The following TEX14 variants were observed in gnomAD, a reference collection of about 807,000 sequenced individuals.
TEX14 encodes inactive serine/threonine-protein kinase TEX14.
Under a neutral mutation model 178.6 loss-of-function variants are expected in TEX14, and 168 were observed. The observed-to-expected ratio is 0.94, with a 90% CI of 0.83 to 1.07. The LOEUF (loss-of-function observed/expected upper bound fraction) is 1.07, where lower values mean the gene tolerates loss of function less well. Ranked by LOEUF, TEX14 falls within the 50% of genes least tolerant of loss-of-function variation. The pLI, the probability that TEX14 is intolerant of heterozygous loss-of-function variation, is 0.00. For missense variants in TEX14, 1,730 were observed against 1,753.6 expected (o/e 0.99, Z 0.24); for synonymous variants, 626 against 634.1 (o/e 0.99, Z 0.19).
intron 1 of TEX14, among the ~76,000 whole-genome samples, chr17:58,664,658 C>T (rs1423507256): frequency 6.6e-6 from 1 of 152,066 alleles, no homozygotes; most frequent in Non-Finnish European, 1.5e-5. Flanking sequence ...GGCCACATTA[C>T]GATTTTGAAG....
chr17:58,667,301 G>A (rs2143435081), intron 1 of TEX14, among the ~76,000 whole-genome samples: 1 of 152,300 alleles, frequency 6.6e-6, no homozygotes. Context: ...GACTTTCGAT[G>A]AGCTTATGGC....
chr17:58,613,807 C>T (rs1439225141), intron 8 of TEX14, among the ~76,000 whole-genome samples: 1 of 152,066 alleles, frequency 6.6e-6, no homozygotes, highest in Non-Finnish European at 1.5e-5. Flanking sequence ...GCTGGGATTA[C>T]GGATGCCCAC....
intron 21 of TEX14, among the ~76,000 whole-genome samples, chr17:58,574,736 C>T (rs1049295988): frequency 4.1e-5 from 6 of 146,966 alleles, no homozygotes; most frequent in African/African-American, 1.0e-4. Flanking sequence ...CTACTAGCTG[C>T]GAGTTCTCTG....
chr17:58,603,622 A>C (rs1301058615), intron 11 of TEX14, among the ~76,000 whole-genome samples: 4 of 148,268 alleles, frequency 2.7e-5, no homozygotes. Flanking sequence ...TAGGAGGCTG[A>C]GGTGGGCGGA....
At chr17:58,603,219 T>C (rs1221883899) in intron 11 of TEX14, among the ~76,000 whole-genome samples, 1 of 151,272 alleles carries the variant, frequency 6.6e-6, no homozygotes, top group Non-Finnish European at 1.5e-5. Context: ...ATTCATCTCA[T>C]GTATATTGTC....
chr17:58,580,405 G>A (rs1269703513), intron 19 of TEX14, among the ~76,000 whole-genome samples: 1 of 152,092 alleles, frequency 6.6e-6, no homozygotes, highest in Non-Finnish European at 1.5e-5. Context: ...TCTGTCCCCC[G>A]GGTTCAAGCA....
chr17:58,657,395 C>CTCT (rs1225123678), intron 1 of TEX14, among the ~76,000 whole-genome samples: 1 of 151,664 alleles, frequency 6.6e-6, no homozygotes, highest in East Asian at 1.9e-4. Context: ...CAGAGGGAAC[C>CTCT]TCTTGTCTGT....
chr17:58,685,146 A>C (rs2047569559), intron 1 of TEX14, among the ~76,000 whole-genome samples: 1 of 152,260 alleles, frequency 6.6e-6, no homozygotes, highest in Admixed American at 6.5e-5. Flanking sequence ...AAAATTGAAT[A>C]CATTAGATTT....
intron 23 of TEX14, among the ~76,000 whole-genome samples, chr17:58,572,362 G>A (rs2044553665): frequency 6.6e-6 from 1 of 152,164 alleles, no homozygotes; most frequent in Non-Finnish European, 1.5e-5. Context: ...CGGGTACGGT[G>A]GCTCACGCCT....
Position 58,599,187 on chromosome 17 carries a change from A to G in TEX14, c.2158T>C (p.Ser720Pro), listed in dbSNP as rs1454701067. The part of the protein sequence containing the change: ...REAKSNLNNM[S>P]TTEEYLISKC... ...CTGATGAGATACTCCTCAGTCGTGG[A>G]CATGTTGTTCAAATTGCTCTTGGCT... is the stretch of plus-strand genomic sequence containing the variant. The change falls in exon 14 of 32, where the codon TCC (serine) becomes CCC (proline). Residue 720 changes from serine (S) to proline (P), a missense_variant. By Grantham distance (74) the Ser-to-Pro change is moderately conservative (BLOSUM62 -1). Coordinates refer to ENST00000349033, the MANE Select transcript of TEX14 (RefSeq NM_031272.5). 6.2e-7 allele frequency: 1 copy of G among 1,614,134 alleles called. No individual in the cohort carries two copies. The highest frequency in any genetic ancestry group is 1.7e-5 in the Admixed American group (1 of 60,004).
chr17:58,630,630 T>C, intron 2 of TEX14, 76 bp from the exon 3 acceptor site: 2 of 953,440 alleles, frequency 2.1e-6, no homozygotes, highest in Non-Finnish European at 3.3e-6. Flanking sequence ...GGTGGGGGAA[T>C]TACATATTTT....
intron 10 of TEX14, among the ~76,000 whole-genome samples, chr17:58,609,163 G>A (rs1029240694): frequency 6.6e-6 from 1 of 152,152 alleles, no homozygotes; most frequent in Admixed American, 6.5e-5. Flanking sequence ...AGGCTGGAGT[G>A]CAGTGGCGTG....
At chr17:58,661,728 T>A (rs1598427955) in intron 1 of TEX14, 2 of 574,024 alleles carry the variant, frequency 3.5e-6, no homozygotes, top group African/African-American at 1.9e-5. Context: ...GGCGGTGGCG[T>A]TGGGGGCGGC....
chr17:58,691,393 G>T (rs2143633833), intron 1 of TEX14, among the ~76,000 whole-genome samples: 1 of 152,090 alleles, frequency 6.6e-6, no homozygotes, highest in South Asian at 2.1e-4. Context: ...ACAGGGCCGG[G>T]CGCGGTGGCT....
chr17:58,581,764 C>A, intron 19 of TEX14: 1 of 1,601,324 alleles, frequency 6.2e-7, no homozygotes, highest in South Asian at 1.1e-5. Context: ...TTTTAAGTTG[C>A]TGTTCATTGT....
At chr17:58,561,114 C>T (rs1255895284) in intron 29 of TEX14, among the ~76,000 whole-genome samples, 1 of 152,202 alleles carries the variant, frequency 6.6e-6, no homozygotes, top group Non-Finnish European at 1.5e-5. Context: ...TGACCTTTAT[C>T]TTTTACAGAA....
intron 4 of TEX14, 151 bp from the exon 5 acceptor site, chr17:58,621,937 T>A (rs2046007980): frequency 1.1e-6 from 1 of 873,230 alleles, no homozygotes; most frequent in Non-Finnish European, 1.7e-6. Context: ...TCTAAAGGTA[T>A]GGAATGTTTT....
chr17:58,644,099 A>T (rs928898034), intron 2 of TEX14, among the ~76,000 whole-genome samples: 3 of 151,856 alleles, frequency 2.0e-5, no homozygotes, highest in Admixed American at 6.6e-5. Flanking sequence ...CCTACCATTA[A>T]CCTCTAGGGA....
At chr17:58,583,841 G>A (rs576693523) in intron 19 of TEX14, among the ~76,000 whole-genome samples, 25 of 152,236 alleles carry the variant, frequency 1.6e-4, no homozygotes, top group African/African-American at 5.1e-4. Flanking sequence ...AATACAATAG[G>A]TCAAAAGACC....
Sources: gnomAD v4.1 joint callset for allele counts (sites outside exome capture counted in the v4.1 genomes callset) on GRCh38, gnomAD v4.1.1 for gene constraint, MANE v1.5 for transcripts, NCBI Gene and HGNC (gene_info 2026-07-23, HGNC 2026-07-21) for gene names.